The following DOCK7 variants were observed in gnomAD, a reference collection of about 807,000 sequenced individuals.
The protein encoded by DOCK7 is dedicator of cytokinesis 7, also known as dedicator of cytokinesis protein 7.
A neutral mutation model predicts 271.0 loss-of-function variants in DOCK7; 138 were observed. That is an observed-to-expected ratio of 0.51 (90% CI 0.44 to 0.59). The LOEUF is 0.59. DOCK7 is among the 20% of genes least tolerant of loss of function. The probability of loss-of-function intolerance (pLI) is 0.00; values close to 1 mark genes in which losing one functional copy is unlikely to be tolerated. For synonymous variants in DOCK7, 823 were observed against 876.1 expected (o/e 0.94, Z 1.07); for missense variants, 2,066 against 2,592.4 (o/e 0.80, Z 4.41).
At chr1:62,461,359 G>A (rs1460070970) in intron 48 of DOCK7, among the ~76,000 whole-genome samples, 1 of 151,944 alleles carries the variant, frequency 6.6e-6, no homozygotes, top group Non-Finnish European at 1.5e-5. Flanking sequence ...AGTAAGTCTG[G>A]TAAAATTCTC....
At chr1:62,682,551 A>G (rs541530076) in intron 1 of DOCK7, among the ~76,000 whole-genome samples, 1 of 152,188 alleles carries the variant, frequency 6.6e-6, no homozygotes, top group African/African-American at 2.4e-5. Context: ...GTAACTTTTT[A>G]AAAAAACAGC....
chr1:62,677,357 G>C (rs1159246790), intron 1 of DOCK7, among the ~76,000 whole-genome samples: 1 of 152,128 alleles, frequency 6.6e-6, no homozygotes, highest in Non-Finnish European at 1.5e-5. Flanking sequence ...GATCTTTTCT[G>C]CCACAACTAA....
At chr1:62,652,687 CCT>C (rs1657534240) in intron 4 of DOCK7, among the ~76,000 whole-genome samples, 1 of 152,132 alleles carries the variant, frequency 6.6e-6, no homozygotes, top group Non-Finnish European at 1.5e-5. Flanking sequence ...TTACAACTAA[CCT>C]TTTTATTAAG....
intron 17 of DOCK7, 119 bp from the exon 18 acceptor site, chr1:62,577,482 G>T: frequency 2.1e-6 from 1 of 479,292 alleles, no homozygotes; most frequent in Non-Finnish European, 3.6e-6. Context: ...AACATTAAGG[G>T]ATTTAATTAT....
At chr1:62,650,570 T>C (rs929254733) in intron 4 of DOCK7, among the ~76,000 whole-genome samples, 2 of 152,018 alleles carry the variant, frequency 1.3e-5, no homozygotes, top group Non-Finnish European at 2.9e-5. Context: ...ATATCCAGAA[T>C]CTACAAAGAA....
intron 34 of DOCK7, among the ~76,000 whole-genome samples, chr1:62,509,439 C>T (rs1196101706): frequency 6.6e-6 from 1 of 151,370 alleles, no homozygotes; most frequent in African/African-American, 2.4e-5. Context: ...CAAAAAGAAT[C>T]AGGAGAACAC....
chr1:62,595,664 T>A (rs1407613308), intron 14 of DOCK7, among the ~76,000 whole-genome samples: 4 of 152,166 alleles, frequency 2.6e-5, no homozygotes, highest in Admixed American at 2.6e-4. Flanking sequence ...CACAGTGGCT[T>A]ACTCCTTTAA....
At chr1:62,673,667 A>G (rs541981432) in intron 1 of DOCK7, among the ~76,000 whole-genome samples, 3 of 152,204 alleles carry the variant, frequency 2.0e-5, no homozygotes, top group African/African-American at 7.2e-5. Context: ...ACCCATAAAC[A>G]TACAAAATTA....
chr1:62,670,789 T>C (rs1445649713), intron 1 of DOCK7, among the ~76,000 whole-genome samples: 1 of 152,148 alleles, frequency 6.6e-6, no homozygotes, highest in Non-Finnish European at 1.5e-5. Context: ...ATCAGCAGGA[T>C]GTGGGTGGGG....
At position 62,619,996 on chromosome 1, in the gene DOCK7, G is replaced by T; in HGVS notation, c.1426-3C>A. The T allele has an allele frequency of 1.2e-6, 2 of 1,607,908 alleles. No homozygotes were observed. Among genetic ancestry groups the T allele is most frequent in the Non-Finnish European group, 1.7e-6 (2 of 1,175,858 alleles). On this transcript the variant is annotated splice_region_variant and splice_polypyrimidine_tract_variant and intron_variant, in intron 12 of 49. Transcript: ENST00000635253. Reference sequence around the variant, plus strand: ...TCATCACTTAAGCGGTCTCCTTCCTGATTTCAATAATAGAGGAAAAAGTAT... The same window carrying T: ...TCATCACTTAAGCGGTCTCCTTCCTTATTTCAATAATAGAGGAAAAAGTAT...
At chr1:62,604,337 C>T (rs1571734141) in intron 14 of DOCK7, 2 of 1,420,524 alleles carry the variant, frequency 1.4e-6, no homozygotes, top group East Asian at 2.3e-5. Flanking sequence ...ATCCGAATCC[C>T]AAATAAGCGT....
intron 14 of DOCK7, chr1:62,608,730 ATG>A (rs997609561): frequency 3.3e-5 from 5 of 151,836 alleles, no homozygotes; most frequent in African/African-American, 1.2e-4. Context: ...AAGTACACAC[ATG>A]TCTCATTATG....
chr1:62,467,674 A>G (rs1202158955), intron 48 of DOCK7, among the ~76,000 whole-genome samples: 1 of 152,218 alleles, frequency 6.6e-6, no homozygotes, highest in Non-Finnish European at 1.5e-5. Flanking sequence ...TCTACCAGAC[A>G]TTCAAAGAAG....
In DOCK7 at chr1:62,648,127, A is replaced by T; in HGVS notation, c.711T>A (p.Ala237=). The T allele has an allele frequency of 1.9e-6, 3 of 1,613,344 alleles. No individual in the cohort carries two copies. The highest frequency in any genetic ancestry group is 2.5e-6 in the Non-Finnish European group (3 of 1,179,584). Residue 237 remains alanine, a synonymous_variant, in exon 6 of 50, where the codon GCT becomes GCA. Transcript: ENST00000635253. ...ATACCTCATCTGGTGATGGATGCAAAGCAAAAAGTTCTTTGTGACGGTTTG... is the reference window on the plus strand; with the variant it reads ...ATACCTCATCTGGTGATGGATGCAATGCAAAAAGTTCTTTGTGACGGTTTG... ...RKSNRHKELF[A]LHPSPDEEEP...
intron 1 of DOCK7, among the ~76,000 whole-genome samples, chr1:62,669,144 A>G (rs1659650604): frequency 6.6e-6 from 1 of 152,154 alleles, no homozygotes; most frequent in African/African-American, 2.4e-5. Context: ...GCTTATCTGC[A>G]TACATTCAAG....
chr1:62,571,830 C>T (rs1223165358), intron 18 of DOCK7, among the ~76,000 whole-genome samples: 3 of 152,082 alleles, frequency 2.0e-5, no homozygotes, highest in African/African-American at 7.2e-5. Context: ...GATGTTCTCA[C>T]TCATAAGTGG....
At chr1:62,604,653 G>C (rs1557788347) in intron 14 of DOCK7, 1 of 1,613,186 alleles carries the variant, frequency 6.2e-7, no homozygotes, top group Non-Finnish European at 8.5e-7. Context: ...GTGGCATGAT[G>C]AGTGTGGAGA....
intron 21 of DOCK7, 133 bp from the exon 22 acceptor site, chr1:62,553,034 T>C (rs2149422836): frequency 1.5e-5 from 2 of 132,244 alleles, no homozygotes; most frequent in East Asian, 4.1e-4. Flanking sequence ...AAAATATACT[T>C]TTTTTTTTTT....
chr1:62,565,533 A>G lies in DOCK7; in HGVS notation c.2113-3830T>C, dbSNP rs182837249. 3.2e-3 allele frequency among the ~76,000 whole-genome samples: 483 copies of G among 152,294 alleles called. 4 individuals are homozygous for G. Among genetic ancestry groups the G allele is most frequent in the African/African-American group, 0.011 (468 of 41,574 alleles). On this transcript the variant is annotated intron_variant, in intron 18 of 49. Transcript: ENST00000635253. The stretch of plus-strand genomic sequence containing the variant: ...CACCCCTTCATGCTAAAAACTCTCA[A>G]TAAACTAGGTATTGATGGAACATAT...
Sources: allele counts gnomAD v4.1 joint callset (sites outside exome capture counted in the v4.1 genomes callset), GRCh38; gene constraint gnomAD v4.1.1; transcripts MANE v1.5; gene names NCBI Gene and HGNC (gene_info 2026-07-23, HGNC 2026-07-21).